MEIS1: variants seen among roughly 807,000 people sequenced by gnomAD.
The protein encoded by MEIS1 is homeobox protein Meis1.
MEIS1 carries 5 observed loss-of-function variants against 50.8 expected under a neutral mutation model. The ratio of observed to expected loss-of-function variants is 0.10; its 90% confidence interval spans 0.05 to 0.21. The LOEUF is 0.21. Ranked by LOEUF, MEIS1 falls within the 10% of genes least tolerant of loss-of-function variation. The probability of loss-of-function intolerance (pLI) is 1.00; values close to 1 mark genes in which losing one functional copy is unlikely to be tolerated. For missense variants in MEIS1, 318 were observed against 517.3 expected (o/e 0.61, Z 3.74); for synonymous variants, 176 against 179.3 (o/e 0.98, Z 0.15).
In MEIS1 at chr2:66,516,424, C is replaced by T. The variant is rs570269273; in HGVS notation, c.888+4130C>T. 2.8e-4 allele frequency among the ~76,000 whole-genome samples: 43 copies of T among 152,286 alleles called. No individual in the cohort carries two copies. The South Asian group carries it at 8.7e-3, about 31-fold the overall frequency. Reference sequence around the variant, plus strand: ...CTCTCTCCTACTCCCCATCCATTCACCATCCTGAGGATCCCATTTGGTTAA... The same window carrying T: ...CTCTCTCCTACTCCCCATCCATTCATCATCCTGAGGATCCCATTTGGTTAA... On this transcript the variant is annotated intron_variant, in intron 8 of 12. Coordinates refer to ENST00000272369, the MANE Select transcript of MEIS1 (RefSeq NM_002398.3).
In MEIS1 at chr2:66,473,593, A is replaced by G. The variant is rs143405861; in HGVS notation, c.742+9373A>G. Among the ~76,000 whole-genome samples, 109 of 152,000 alleles carry G rather than the reference A, an allele frequency of 7.2e-4. 1 individual carries two copies. Among genetic ancestry groups the G allele is most frequent in the African/African-American group, 2.5e-3 (103 of 41,416 alleles). ...TGGGAACAAAGTTACAGGTCCTGCT[A>G]ATAGTTCTGTGGTTTGTTACTTACT... On this transcript the variant is annotated intron_variant, in intron 7 of 12. Transcript: ENST00000272369.
At chr2:66,519,243 G>A (rs1163466524) in intron 8 of MEIS1, among the ~76,000 whole-genome samples, 1 of 152,072 alleles carries the variant, frequency 6.6e-6, no homozygotes, top group African/African-American at 2.4e-5. Context: ...AAACACTCTG[G>A]GCCATGACCC....
chr2:66,520,011 C>G (rs546885161), intron 8 of MEIS1, among the ~76,000 whole-genome samples: 1 of 152,078 alleles, frequency 6.6e-6, no homozygotes, highest in Non-Finnish European at 1.5e-5. Context: ...TCATTTGCCA[C>G]GTGGCATAGA....
chr2:66,455,078 A>G (rs2103722190), intron 6 of MEIS1, among the ~76,000 whole-genome samples: 1 of 152,318 alleles, frequency 6.6e-6, no homozygotes, highest in South Asian at 2.1e-4. Flanking sequence ...CATGCCAGTT[A>G]TAATACAATG....
At chr2:66,536,626 C>T (rs1453110351) in intron 8 of MEIS1, among the ~76,000 whole-genome samples, 1 of 149,606 alleles carries the variant, frequency 6.7e-6, no homozygotes, top group Non-Finnish European at 1.5e-5. Context: ...TCTGAGAGGC[C>T]TTTTAATTCA....
At chr2:66,469,049 A>G (rs955303748) in intron 7 of MEIS1, among the ~76,000 whole-genome samples, 1 of 152,218 alleles carries the variant, frequency 6.6e-6, no homozygotes, top group Non-Finnish European at 1.5e-5. Flanking sequence ...TTGTGAGGAT[A>G]AAGAAAAAGT....
In MEIS1 at chr2:66,557,871, C is replaced by G. The variant is rs146978125; in HGVS notation, c.966-9582C>G. On this transcript the variant is annotated intron_variant, in intron 9 of 12. Transcript: ENST00000272369. ...ACCTAAACACTGCTAGAAAACTTGC[C>G]GGTGAGTGGCAGTTTTCCCACTCAG... 6.9e-4 allele frequency among the ~76,000 whole-genome samples: 105 copies of G among 152,228 alleles called. 1 individual carries two copies. The South Asian group carries it at 9.9e-3, about 14-fold the overall frequency.
chr2:66,527,590 A>ATGTGTG (rs1558551283), intron 8 of MEIS1, among the ~76,000 whole-genome samples: 1 of 97,730 alleles, frequency 1.0e-5, no homozygotes, highest in African/African-American at 4.4e-5. Flanking sequence ...CAGTAAAAGC[A>ATGTGTG]AGTGTGTGTG....
At chr2:66,526,000 C>T (rs1395796793) in intron 8 of MEIS1, among the ~76,000 whole-genome samples, 1 of 152,240 alleles carries the variant, frequency 6.6e-6, no homozygotes, top group Non-Finnish European at 1.5e-5. Context: ...GTGCCTCACA[C>T]TTCTTGCCTA....
chr2:66,549,474 T>A (rs1483219775), intron 9 of MEIS1, among the ~76,000 whole-genome samples: 2 of 152,078 alleles, frequency 1.3e-5, no homozygotes, highest in Non-Finnish European at 2.9e-5. Context: ...ATATTGGAAA[T>A]TTCAAATATG....
chr2:66,548,626 C>A (rs937949721), intron 9 of MEIS1, among the ~76,000 whole-genome samples: 1 of 152,058 alleles, frequency 6.6e-6, no homozygotes, highest in African/African-American at 2.4e-5. Flanking sequence ...CAAGTACCAG[C>A]CAACAATATT....
At chr2:66,533,001 T>C (rs1191957720) in intron 8 of MEIS1, among the ~76,000 whole-genome samples, 1 of 152,184 alleles carries the variant, frequency 6.6e-6, no homozygotes, top group African/African-American at 2.4e-5. Flanking sequence ...GAGCTCGTAT[T>C]GTGACTGTGC....
Position 66,437,887 on chromosome 2 carries a change from C to A in MEIS1, c.163C>A (p.His55Asn). ...CTCGCATCAGTACCCGCACACAGCT[C>A]ATACCAACGCCATGGCCCCCAGCAT... ...LHSHQYPHTA[H>N]TNAMAPSMGS... The change falls in exon 2 of 13, where the codon CAT becomes AAT. Residue 55 changes from histidine to asparagine, a missense_variant. Physicochemically the swap from His to Asn is moderately conservative, Grantham distance 68. This residue lies in a region of MEIS1 where 100 missense variants were observed against 107.1 expected (regional missense o/e 0.93). Transcript: ENST00000272369. 6.2e-7 allele frequency: 1 copy of A among 1,611,262 alleles called. No homozygotes were observed. Among genetic ancestry groups the A allele is most frequent in the Non-Finnish European group, 8.5e-7 (1 of 1,178,608 alleles).
At chr2:66,551,836 A>C (rs909144433) in intron 9 of MEIS1, among the ~76,000 whole-genome samples, 1 of 152,206 alleles carries the variant, frequency 6.6e-6, no homozygotes, top group African/African-American at 2.4e-5. Flanking sequence ...AAAAATGATA[A>C]ATAATAGCAT....
At chr2:66,444,417 A>C (rs1172821933) in intron 6 of MEIS1, among the ~76,000 whole-genome samples, 3 of 152,174 alleles carry the variant, frequency 2.0e-5, no homozygotes, top group African/African-American at 7.2e-5. Flanking sequence ...CTTAAAATAC[A>C]TTCTCAGCTT....
chr2:66,551,498 T>C (rs1346567155), intron 9 of MEIS1, among the ~76,000 whole-genome samples: 1 of 152,196 alleles, frequency 6.6e-6, no homozygotes, highest in African/African-American at 2.4e-5. Context: ...TTGGCATCAG[T>C]ACTTACAGCA....
At chr2:66,564,844 G>A (rs997280445) in intron 9 of MEIS1, among the ~76,000 whole-genome samples, 4 of 151,630 alleles carry the variant, frequency 2.6e-5, no homozygotes, top group Non-Finnish European at 5.9e-5. Context: ...TTTACATTAG[G>A]TATATCTCCT....
chr2:66,546,262 CTG>C (rs1674789784), intron 8 of MEIS1, among the ~76,000 whole-genome samples: 1 of 152,062 alleles, frequency 6.6e-6, no homozygotes, highest in South Asian at 2.1e-4. Flanking sequence ...GGGTAAGAAT[CTG>C]AGTGACGGGA....
chr2:66,523,542 G>A (rs1041191214), intron 8 of MEIS1, among the ~76,000 whole-genome samples: 1 of 152,178 alleles, frequency 6.6e-6, no homozygotes, highest in Non-Finnish European at 1.5e-5. Context: ...TCTTCATAAC[G>A]CTGTAGTTGG....
Sources: gnomAD v4.1 joint callset for allele counts (sites outside exome capture counted in the v4.1 genomes callset) on GRCh38, gnomAD v4.1.1 for gene constraint, gnomAD v4.1.1 regional missense constraint, MANE v1.5 for transcripts, NCBI Gene and HGNC (gene_info 2026-07-23, HGNC 2026-07-21) for gene names.